SNTG1: variants seen among roughly 807,000 people sequenced by gnomAD.
SNTG1 encodes the protein gamma-1-syntrophin.
SNTG1 carries 39 observed loss-of-function variants against 74.7 expected under a neutral mutation model. The observed-to-expected ratio is 0.52, with a 90% CI of 0.40 to 0.68. The LOEUF (loss-of-function observed/expected upper bound fraction) is 0.68, where lower values mean the gene tolerates loss of function less well. SNTG1 is among the 30% of genes least tolerant of loss of function. SNTG1 has a pLI of 0.00. For missense variants in SNTG1, 685 were observed against 609.5 expected (o/e 1.12, Z -1.30); for synonymous variants, 254 against 217.1 (o/e 1.17, Z -1.49).
At chr8:50,596,762 A>AT (rs1402178575) in intron 13 of SNTG1, among the ~76,000 whole-genome samples, 1 of 151,998 alleles carries the variant, frequency 6.6e-6, no homozygotes, top group Admixed American at 6.6e-5. Flanking sequence ...AACTTCTAAT[A>AT]TTTTTTATTA....
At chr8:49,947,462 A>G (rs2129385856) in intron 1 of SNTG1, among the ~76,000 whole-genome samples, 1 of 152,328 alleles carries the variant, frequency 6.6e-6, no homozygotes, top group East Asian at 1.9e-4. Context: ...GAGGGTCCAA[A>G]GCAACCAGAG....
At chr8:50,367,017 A>G (rs2092134117) in intron 2 of SNTG1, among the ~76,000 whole-genome samples, 1 of 151,282 alleles carries the variant, frequency 6.6e-6, no homozygotes, top group African/African-American at 2.4e-5. Flanking sequence ...TGTCTGCATC[A>G]TTGGTAAGAC....
At chr8:50,550,693 G>GTGTGTGTGTATATATATATATA (rs1554571332) in intron 11 of SNTG1, among the ~76,000 whole-genome samples, 11 of 149,098 alleles carry the variant, frequency 7.4e-5, no homozygotes, top group African/African-American at 2.7e-4. Context: ...TAGTGTGTGT[G>GTGTGTGTGTATATATATATATA]TATATATATA....
At chr8:50,203,684 T>G (rs1435174038) in intron 2 of SNTG1, among the ~76,000 whole-genome samples, 2 of 152,138 alleles carry the variant, frequency 1.3e-5, no homozygotes, top group Non-Finnish European at 2.9e-5. Context: ...AAGCTTAGTT[T>G]CGTATTAATA....
At chr8:50,765,171 T>C (rs2095610606) in intron 18 of SNTG1, among the ~76,000 whole-genome samples, 1 of 151,978 alleles carries the variant, frequency 6.6e-6, no homozygotes, top group Non-Finnish European at 1.5e-5. Flanking sequence ...AGATGATAAG[T>C]ATCTGAGGGG....
intron 8 of SNTG1, among the ~76,000 whole-genome samples, chr8:50,464,630 A>G (rs901952946): frequency 6.6e-6 from 1 of 151,998 alleles, no homozygotes; most frequent in African/African-American, 2.4e-5. Flanking sequence ...ATCACCGATC[A>G]TCAAGAGGCT....
chr8:50,757,783 G>A (rs927767558), intron 18 of SNTG1, among the ~76,000 whole-genome samples: 3 of 151,740 alleles, frequency 2.0e-5, no homozygotes, highest in Non-Finnish European at 4.4e-5. Flanking sequence ...TACAGCTTTT[G>A]TAGTTTTAAC....
At chr8:50,781,214 T>C (rs2095658410) in intron 18 of SNTG1, among the ~76,000 whole-genome samples, 1 of 152,226 alleles carries the variant, frequency 6.6e-6, no homozygotes, top group South Asian at 2.1e-4. Context: ...TAGATGTCTA[T>C]TAAGTCCACT....
chr8:50,018,581 G>A (rs1041076005), intron 1 of SNTG1, among the ~76,000 whole-genome samples: 1 of 151,928 alleles, frequency 6.6e-6, no homozygotes, highest in African/African-American at 2.4e-5. Flanking sequence ...GTTAGGCAAT[G>A]TTTTTGCTGT....
intron 12 of SNTG1, among the ~76,000 whole-genome samples, chr8:50,583,277 C>G (rs2094623363): frequency 6.6e-6 from 1 of 151,710 alleles, no homozygotes; most frequent in South Asian, 2.1e-4. Context: ...GTGGCGGCGC[C>G]TATAATCCTA....
chr8:50,050,096 T>G (rs1819439595), intron 1 of SNTG1, among the ~76,000 whole-genome samples: 1 of 150,538 alleles, frequency 6.6e-6, no homozygotes, highest in African/African-American at 2.4e-5. Context: ...GAAAAAATAA[T>G]AAAGTTAAAG....
At chr8:49,920,406 C>T (rs1194279841) in intron 1 of SNTG1, among the ~76,000 whole-genome samples, 1 of 151,950 alleles carries the variant, frequency 6.6e-6, no homozygotes. Flanking sequence ...AAATGCTTCT[C>T]TATAGATTAA....
chr8:50,766,670 G>A (rs2095614663), intron 18 of SNTG1, among the ~76,000 whole-genome samples: 1 of 151,848 alleles, frequency 6.6e-6, no homozygotes, highest in South Asian at 2.1e-4. Flanking sequence ...TTGAAGGCAA[G>A]AGAATATACC....
In SNTG1 at chr8:50,529,872, G is replaced by C. The variant is rs142255155; in HGVS notation, c.467-305G>C. The stretch of plus-strand genomic sequence containing the variant: ...GTATTATTTTAAGTATGGTTTCTAA[G>C]AGCAGGCCACTTTAGATAATTAAAC... On this transcript the variant is annotated intron_variant, in intron 9 of 18. Coordinates refer to ENST00000642720, the MANE Select transcript of SNTG1 (RefSeq NM_018967.5). Among the ~76,000 whole-genome samples the C allele has an allele frequency of 3.2e-3, 454 of 143,408 alleles. 4 individuals carry two copies. Among genetic ancestry groups the C allele is most frequent in the African/African-American group, 0.011 (441 of 40,554 alleles). 94.1% of individuals were successfully genotyped at this position (143,408 alleles called of 152,430 possible). A position where few individuals can be genotyped will look rare whatever the true frequency, so the allele number is the denominator to read the frequency against.
chr8:50,773,828 A>G (rs1458559679), intron 18 of SNTG1, among the ~76,000 whole-genome samples: 10 of 152,170 alleles, frequency 6.6e-5, no homozygotes, highest in Non-Finnish European at 1.0e-4. Context: ...TATTACAAAT[A>G]TATTAACTGG....
intron 1 of SNTG1, among the ~76,000 whole-genome samples, chr8:50,068,300 G>A (rs575693598): frequency 1.7e-4 from 26 of 152,252 alleles, no homozygotes; most frequent in Admixed American, 1.4e-3. Flanking sequence ...CAGATTACCC[G>A]TGCGTGGTAT....
At chr8:50,376,754 T>TAGAGAGAGAGAGAGAG (rs770555169) in intron 2 of SNTG1, among the ~76,000 whole-genome samples, 108 of 100,292 alleles carry the variant, frequency 1.1e-3, no homozygotes, top group Non-Finnish European at 1.7e-3. Context: ...TATATATATA[T>TAGAGAGAGAGAGAGAG]ATAGAGAGAG....
chr8:50,775,238 A>C (rs1261250197), intron 18 of SNTG1, among the ~76,000 whole-genome samples: 1 of 151,482 alleles, frequency 6.6e-6, no homozygotes, highest in Non-Finnish European at 1.5e-5. Flanking sequence ...ACTTGTTTAA[A>C]TTTTTAAATT....
At chr8:50,272,152 G>A (rs1269681676) in intron 2 of SNTG1, among the ~76,000 whole-genome samples, 2 of 152,128 alleles carry the variant, frequency 1.3e-5, no homozygotes, top group African/African-American at 4.8e-5. Context: ...CAGCCAAAAG[G>A]AACTGAAACA....
Sources: allele counts gnomAD v4.1 joint callset (sites outside exome capture counted in the v4.1 genomes callset), GRCh38; gene constraint gnomAD v4.1.1; transcripts MANE v1.5; gene names NCBI Gene and HGNC (gene_info 2026-07-23, HGNC 2026-07-21).